The following PGBD5 variants were observed in gnomAD, a reference collection of about 807,000 sequenced individuals.
PGBD5 encodes piggyBac transposable element-derived protein 5.
A neutral mutation model predicts 47.9 loss-of-function variants in PGBD5; 14 were observed. That is an observed-to-expected ratio of 0.29 (90% CI 0.19 to 0.46). The LOEUF (loss-of-function observed/expected upper bound fraction) is 0.46, where lower values mean the gene tolerates loss of function less well. Ranked by LOEUF, PGBD5 falls within the 20% of genes least tolerant of loss-of-function variation. PGBD5 has a pLI of 1.00. For synonymous variants in PGBD5, 316 were observed against 306.3 expected (o/e 1.03, Z -0.33); for missense variants, 635 against 716.0 (o/e 0.89, Z 1.29).
chr1:230,395,543 T>C (rs961125671), intron 1 of PGBD5, among the ~76,000 whole-genome samples: 5 of 1,778 alleles, frequency 2.8e-3, no homozygotes, highest in Admixed American at 0.016. Flanking sequence ...CCTCCTCCCC[T>C]CCTCCTCACA....
intron 1 of PGBD5, among the ~76,000 whole-genome samples, chr1:230,401,928 C>G (rs1286203645): frequency 2.0e-5 from 3 of 152,192 alleles, no homozygotes; most frequent in African/African-American, 7.2e-5. Flanking sequence ...CCTTTGAGAG[C>G]TGACGGACTC....
rs983318717 is a variant in PGBD5, at chr1:230,425,505, G to A, written c.331+93C>T. On this transcript the variant is annotated intron_variant, in intron 1 of 6. Transcript: ENST00000391860. The surrounding 1 kb of genome is among the most constrained non-coding windows in gnomAD (Gnocchi z 4.7). ...GAGAGACACCCACAAGCCAGCCCACGGAGAGTCTGGACTCGCCCGCCCCAG... is the reference window on the plus strand; with the variant it reads ...GAGAGACACCCACAAGCCAGCCCACAGAGAGTCTGGACTCGCCCGCCCCAG... 9.4e-6 allele frequency: 9 copies of A among 959,800 alleles called. No individual in the cohort carries two copies. The highest frequency in any genetic ancestry group is 1.2e-5 in the Non-Finnish European group (9 of 747,566). The allele number at this position is 959,800 out of a possible 1,614,324, so 59.5% of individuals were successfully genotyped here.
rs1488263147 is a variant in PGBD5, at chr1:230,319,138, C to G, written c.*4287G>C. 6.6e-6 allele frequency: 1 copy of G among 152,362 alleles called. No individual in the cohort carries two copies. The highest frequency in any genetic ancestry group is 2.4e-5 in the African/African-American group (1 of 41,562). The allele number at this position is 152,362 out of a possible 1,614,324, so 9.4% of individuals were successfully genotyped here. A position where few individuals can be genotyped will look rare whatever the true frequency, so the allele number is the denominator to read the frequency against. Reference sequence around the variant, plus strand: ...ACGCGGCCTCCTGCGTCAGGCAAACCCGGGTCTGCTTACCTGGGCGAACCA... The same window carrying G: ...ACGCGGCCTCCTGCGTCAGGCAAACGCGGGTCTGCTTACCTGGGCGAACCA... On this transcript the variant is annotated 3_prime_UTR_variant, in exon 7 of 7. Transcript: ENST00000391860.
At chr1:230,350,887 A>T in intron 3 of PGBD5, 71 bp downstream of exon 3, 1 of 1,565,388 alleles carries the variant, frequency 6.4e-7, no homozygotes, top group South Asian at 1.2e-5. Flanking sequence ...GTATCAGATG[A>T]GCCCAAGTCG....
chr1:230,399,649 A>C (rs2102740320), intron 1 of PGBD5, among the ~76,000 whole-genome samples: 1 of 152,300 alleles, frequency 6.6e-6, no homozygotes, highest in Non-Finnish European at 1.5e-5. Flanking sequence ...CACCGTCACC[A>C]GTCGTGACCA....
At chr1:230,421,316 C>A in intron 1 of PGBD5, among the ~76,000 whole-genome samples, 1 of 151,992 alleles carries the variant, frequency 6.6e-6, no homozygotes, top group East Asian at 1.9e-4. Flanking sequence ...CGCTTCCCCC[C>A]AAAACTAAAA....
chr1:230,340,446 G>A (rs1667392699), intron 3 of PGBD5, among the ~76,000 whole-genome samples: 1 of 152,060 alleles, frequency 6.6e-6, no homozygotes, highest in South Asian at 2.1e-4. Context: ...ATAAAACAGT[G>A]CAAGTGTGTG....
rs536676738 is a variant in PGBD5, at chr1:230,417,065, C to T, written c.331+8533G>A. Among the ~76,000 whole-genome samples the T allele has an allele frequency of 4.2e-4, 64 of 152,194 alleles. No homozygotes were observed. In the South Asian group the frequency reaches 0.012, roughly 29 times the overall value. On this transcript the variant is annotated intron_variant, in intron 1 of 6. Coordinates refer to ENST00000391860, the MANE Select transcript of PGBD5 (RefSeq NM_001258311.2). ...TCTTAAATATATGCCTAAATGTGGC[C>T]GGTTTTTCATTCTTTTGTAATAATT...
intron 1 of PGBD5, among the ~76,000 whole-genome samples, chr1:230,391,258 A>G (rs1460857492): frequency 1.3e-5 from 2 of 152,182 alleles, no homozygotes; most frequent in Non-Finnish European, 2.9e-5. Flanking sequence ...GGCCTGAGAC[A>G]TAGTCCCAAC....
At chr1:230,349,650 T>C (rs1275491013) in intron 3 of PGBD5, among the ~76,000 whole-genome samples, 2 of 151,728 alleles carry the variant, frequency 1.3e-5, no homozygotes, top group African/African-American at 4.8e-5. Context: ...TCAATAAATA[T>C]TTACTGAAAG....
intron 3 of PGBD5, among the ~76,000 whole-genome samples, chr1:230,347,512 T>C (rs1667493970): frequency 7.5e-6 from 1 of 133,644 alleles, no homozygotes; most frequent in Non-Finnish European, 1.6e-5. Flanking sequence ...GGATTTTCAC[T>C]CTTGTTGCCC....
intron 3 of PGBD5, among the ~76,000 whole-genome samples, chr1:230,344,590 G>A (rs1558194985): frequency 6.6e-6 from 1 of 152,218 alleles, no homozygotes; most frequent in Non-Finnish European, 1.5e-5. Context: ...GGGAGGGAAG[G>A]GGCTTCCAGG....
At position 230,323,217 on chromosome 1, in the gene PGBD5, G is replaced by A. The variant is rs530470910; in HGVS notation, c.*208C>T. The stretch of plus-strand genomic sequence containing the variant: ...CATCACACCGGCGGCACTGTTTCTC[G>A]AGGGAGGACATGCTCTTCTTGGAAT... On this transcript the variant is annotated 3_prime_UTR_variant, in exon 7 of 7. Transcript: ENST00000391860. The surrounding 1 kb of genome is among the most constrained non-coding windows in gnomAD (Gnocchi z 4.1). 42 of 579,712 alleles carry A rather than the reference G, an allele frequency of 7.2e-5. 1 individual carries two copies. The highest frequency in any genetic ancestry group is 9.4e-4 in the Middle Eastern group (2 of 2,138). 35.9% of individuals were successfully genotyped at this position (579,712 alleles called of 1,614,324 possible).
intron 1 of PGBD5, among the ~76,000 whole-genome samples, chr1:230,360,945 A>G (rs1231104217): frequency 6.6e-6 from 1 of 152,166 alleles, no homozygotes; most frequent in East Asian, 1.9e-4. Context: ...CCATTCGGCA[A>G]TTGAGGAAAT....
At position 230,392,910 on chromosome 1, in the gene PGBD5, C is replaced by G. The variant is rs549473426; in HGVS notation, c.331+32688G>C. On this transcript the variant is annotated intron_variant, in intron 1 of 6. Transcript: ENST00000391860. ...AGCCTGGAGCAGCAGGAGCAGACAG[C>G]TCTCCAACCCCAGCTGCAAGAGAAG... Among the ~76,000 whole-genome samples, 344 of 151,794 alleles carry G rather than the reference C, an allele frequency of 2.3e-3. 5 individuals are homozygous for G. Among genetic ancestry groups the G allele is most frequent in the Non-Finnish European group, 4.9e-4 (33 of 67,942 alleles).
At chr1:230,361,055 G>A (rs1667734312) in intron 1 of PGBD5, among the ~76,000 whole-genome samples, 1 of 152,226 alleles carries the variant, frequency 6.6e-6, no homozygotes, top group Non-Finnish European at 1.5e-5. Flanking sequence ...TGCACCTGCT[G>A]TGGTTACTAG....
At chr1:230,423,279 GC>G (rs887606846) in intron 1 of PGBD5, among the ~76,000 whole-genome samples, 1 of 152,112 alleles carries the variant, frequency 6.6e-6, no homozygotes, top group African/African-American at 2.4e-5. Flanking sequence ...AGATCAAAAT[GC>G]CACCTGCTTA....
intron 1 of PGBD5, chr1:230,367,818 C>A (rs1667862374): frequency 3.6e-6 from 4 of 1,099,798 alleles, no homozygotes; most frequent in Non-Finnish European, 4.8e-6. Flanking sequence ...ATCATATCAA[C>A]CACTACAAAG....
chr1:230,369,530 C>CA (rs1279616974), intron 1 of PGBD5, among the ~76,000 whole-genome samples: 8 of 152,220 alleles, frequency 5.3e-5, no homozygotes, highest in Non-Finnish European at 1.0e-4. Flanking sequence ...CCATGCCAGT[C>CA]ACCTGCCAAA....
Sources: allele counts gnomAD v4.1 joint callset (sites outside exome capture counted in the v4.1 genomes callset), GRCh38; gene constraint gnomAD v4.1.1; non-coding constraint Gnocchi (gnomAD v3.1); transcripts MANE v1.5; gene names NCBI Gene and HGNC (gene_info 2026-07-23, HGNC 2026-07-21).